Variants in LSM5 observed in about 807,000 individuals in gnomAD.
The protein encoded by LSM5 is LSM5 homolog, U6 small nuclear RNA and mRNA degradation associated.
In LSM5, 8 loss-of-function variants were observed where a neutral mutation model predicts 13.8. That is an observed-to-expected ratio of 0.58 (90% CI 0.34 to 1.04). The LOEUF (loss-of-function observed/expected upper bound fraction) is 1.04. LSM5 is among the 50% of genes least tolerant of loss of function. The probability of loss-of-function intolerance (pLI) is 0.03; values close to 1 mark genes in which losing one functional copy is unlikely to be tolerated. For synonymous variants in LSM5, 35 were observed against 37.0 expected (o/e 0.95, Z 0.20); for missense variants, 80 against 108.1 (o/e 0.74, Z 1.15).
At chr7:32,490,143 G>A in intron 1 of LSM5, 177 bp downstream of exon 1, 1 of 1,541,476 alleles carries the variant, frequency 6.5e-7, no homozygotes, top group South Asian at 1.2e-5. Flanking sequence ...GGAGGAGCCC[G>A]ACCACGTTAA....
upstream of LSM5, among the ~76,000 whole-genome samples, chr7:32,492,203 A>G (rs1583465410): frequency 6.8e-6 from 1 of 147,264 alleles, no homozygotes; most frequent in Non-Finnish European, 1.5e-5. Flanking sequence ...AATTCAAAAC[A>G]TTGTTGTTAT....
At chr7:32,492,534 A>AAC (rs67554201), upstream of LSM5, among the ~76,000 whole-genome samples, 56 of 81,472 alleles carry the variant, frequency 6.9e-4, no homozygotes, top group South Asian at 1.4e-3. Flanking sequence ...CAACAACAAC[A>AAC]AAAAAAAAAC....
chr7:32,490,899 C>T (rs3763444), upstream of LSM5: 32,291 of 158,112 alleles, frequency 0.2, 3,602 homozygotes, highest in Admixed American at 0.33. Context: ...TTTAATTCAT[C>T]GTTCTTATCT....
In LSM5 at chr7:32,487,158, A is replaced by G. The variant is rs1041052082; in HGVS notation, c.*103T>C. 2.0e-6 allele frequency: 2 copies of G among 1,005,786 alleles called. No individual in the cohort carries two copies. Among genetic ancestry groups the G allele is most frequent in the Admixed American group, 4.0e-5 (2 of 50,154 alleles). The allele number at this position is 1,005,786 out of a possible 1,614,324, so 62.3% of individuals were successfully genotyped here. On this transcript the variant is annotated 3_prime_UTR_variant, in exon 5 of 5. Coordinates refer to ENST00000450169, the MANE Select transcript of LSM5 (RefSeq NM_012322.3). Reference sequence around the variant, plus strand: ...TCAAAGCACTTCCCTTTAACGGGAAACTTAGCTTTATGGGATTTAAACATT... The same window carrying G: ...TCAAAGCACTTCCCTTTAACGGGAAGCTTAGCTTTATGGGATTTAAACATT...
upstream of LSM5, chr7:32,490,702 TTCAAACCAGTATAAA>T (rs1292917725): frequency 2.7e-6 from 1 of 372,178 alleles, no homozygotes; most frequent in African/African-American, 2.1e-5. Flanking sequence ...AGCCAGAATC[TTCAAACCAGTATAAA>T]TCAATTCGTA....
chr7:32,492,073 T>C (rs1786607547), upstream of LSM5, among the ~76,000 whole-genome samples: 1 of 152,190 alleles, frequency 6.6e-6, no homozygotes, highest in South Asian at 2.1e-4. Context: ...CGCTTCTTTC[T>C]TTCTCTTTCT....
At chr7:32,488,004 A>T in intron 3 of LSM5, 1 of 430,104 alleles carries the variant, frequency 2.3e-6, no homozygotes. Flanking sequence ...AAAAGAAGTG[A>T]AAGCTTGCCC....
chr7:32,490,132 T>C (rs1207070622), intron 1 of LSM5, 188 bp downstream of exon 1: 7 of 1,538,434 alleles, frequency 4.6e-6, no homozygotes, highest in Non-Finnish European at 6.1e-6. Flanking sequence ...AGTCCTTGCC[T>C]GGAGGAGCCC....
chr7:32,490,660 C>T, upstream of LSM5: 1 of 437,520 alleles, frequency 2.3e-6, no homozygotes, highest in Non-Finnish European at 4.4e-6. Flanking sequence ...ACGTTTGAGT[C>T]TTCTTCCCCC....
chr7:32,494,327 A>G (rs1786678765), upstream of LSM5, among the ~76,000 whole-genome samples: 1 of 149,920 alleles, frequency 6.7e-6, no homozygotes, highest in East Asian at 2.0e-4. Context: ...AGTTTTACAC[A>G]GTTTTCTTAG....
Position 32,490,375 on chromosome 7 carries a change from G to A in LSM5, c.-10C>T. 6.2e-7 allele frequency: 1 copy of A among 1,608,430 alleles called. No individual in the cohort carries two copies. On this transcript the variant is annotated 5_prime_UTR_variant, in exon 1 of 5. Coordinates refer to ENST00000450169, the MANE Select transcript of LSM5 (RefSeq NM_012322.3). ...TAGCGTTAGCCGCCATGGCTACGCC[G>A]GAAGTGGCCTGCCTTCATTGATGGT... is the stretch of plus-strand genomic sequence containing the variant.
At chr7:32,489,910 CT>C (rs1786537088) in intron 1 of LSM5, 1 of 575,620 alleles carries the variant, frequency 1.7e-6, no homozygotes, top group Admixed American at 3.8e-5. Flanking sequence ...TTCCAGATTC[CT>C]CATTTAAGGC....
At chr7:32,492,077 T>G (rs939418120), upstream of LSM5, among the ~76,000 whole-genome samples, 18 of 152,290 alleles carry the variant, frequency 1.2e-4, no homozygotes, top group African/African-American at 4.3e-4. Flanking sequence ...TCTTTCTTTC[T>G]CTTTCTCTTT....
Position 32,487,008 on chromosome 7 carries a change from A to C in LSM5, c.*253T>G. The C allele has an allele frequency of 2.0e-6, 1 of 494,332 alleles. No homozygotes were observed. The highest frequency in any genetic ancestry group is 3.5e-6 in the Non-Finnish European group (1 of 282,200). 30.6% of individuals were successfully genotyped at this position (494,332 alleles called of 1,614,324 possible). A position where few individuals can be genotyped will look rare whatever the true frequency, so the allele number is the denominator to read the frequency against. On this transcript the variant is annotated 3_prime_UTR_variant, in exon 5 of 5. Transcript: ENST00000450169. ...AACTACAAACTTTGTTCCACTGGCT[A>C]CTGCAGTAGAATAAACAAAATGACA...
At chr7:32,489,066 C>T (rs1435171987) in intron 2 of LSM5, among the ~76,000 whole-genome samples, 183 bp downstream of exon 2, 1 of 152,230 alleles carries the variant, frequency 6.6e-6, no homozygotes, top group Admixed American at 6.5e-5. Context: ...GGCTCAAATT[C>T]AAAATGCTTG....
upstream of LSM5, among the ~76,000 whole-genome samples, chr7:32,493,193 G>T (rs183109222): frequency 1.3e-5 from 2 of 152,292 alleles, no homozygotes; most frequent in Middle Eastern, 3.4e-3. Flanking sequence ...CAGGAGTACA[G>T]TGGTGTGCTC....
At position 32,487,296 on chromosome 7, in the gene LSM5, G is replaced by A; in HGVS notation, c.244-3C>T. ...GGTCCTTCTCCTCCAGGAACCAGCTGCATAAAGAGGAAAAAGAGTTTATTA... is the reference window on the plus strand; with the variant it reads ...GGTCCTTCTCCTCCAGGAACCAGCTACATAAAGAGGAAAAAGAGTTTATTA... On this transcript the variant is annotated splice_region_variant and splice_polypyrimidine_tract_variant and intron_variant, in intron 4 of 4. Transcript: ENST00000450169. The A allele has an allele frequency of 6.2e-7, 1 of 1,613,188 alleles. No individual in the cohort carries two copies. The highest frequency in any genetic ancestry group is 1.7e-4 in the Middle Eastern group (1 of 6,060).
intron 1 of LSM5, chr7:32,489,669 T>C: frequency 3.2e-6 from 1 of 308,226 alleles, no homozygotes; most frequent in Non-Finnish European, 6.1e-6. Flanking sequence ...TGCTTCCCTT[T>C]CCCAACTCTG....
intron 3 of LSM5, chr7:32,487,982 C>T (rs1786487549): frequency 2.3e-6 from 1 of 442,090 alleles, no homozygotes; most frequent in Admixed American, 4.0e-5. Context: ...GTCTATCAGA[C>T]AGAGCTTCAT....
Sources: allele counts gnomAD v4.1 joint callset (sites outside exome capture counted in the v4.1 genomes callset), GRCh38; gene constraint gnomAD v4.1.1; transcripts MANE v1.5; gene names NCBI Gene and HGNC (gene_info 2026-07-23, HGNC 2026-07-21).